The following ITGBL1 variants were observed in gnomAD, a reference collection of about 807,000 sequenced individuals.
ITGBL1 encodes integrin subunit beta like 1.
ITGBL1 carries 51 observed loss-of-function variants against 68.5 expected under a neutral mutation model. The observed-to-expected ratio is 0.74, with a 90% CI of 0.59 to 0.94. ITGBL1 has a LOEUF of 0.94. ITGBL1 is among the 40% of genes least tolerant of loss of function. The probability of loss-of-function intolerance (pLI) is 0.00; values close to 1 mark genes in which losing one functional copy is unlikely to be tolerated. For missense variants in ITGBL1, 649 were observed against 647.4 expected (o/e 1.00, Z -0.03); for synonymous variants, 209 against 227.3 (o/e 0.92, Z 0.72).
At chr13:101,472,736 G>A (rs1046075202) in intron 2 of ITGBL1, among the ~76,000 whole-genome samples, 1 of 152,056 alleles carries the variant, frequency 6.6e-6, no homozygotes, top group Non-Finnish European at 1.5e-5. Flanking sequence ...TTTTAATGAG[G>A]AACTTTAATT....
At chr13:101,462,017 T>G (rs989606582) in intron 2 of ITGBL1, among the ~76,000 whole-genome samples, 1 of 152,162 alleles carries the variant, frequency 6.6e-6, no homozygotes, top group African/African-American at 2.4e-5. Context: ...TGAGATAATT[T>G]AGTTCTGTGT....
At chr13:101,621,363 C>T (rs981048889) in intron 7 of ITGBL1, among the ~76,000 whole-genome samples, 3 of 152,080 alleles carry the variant, frequency 2.0e-5, no homozygotes, top group Non-Finnish European at 2.9e-5. Context: ...GTTTATTTGT[C>T]ATACAGAGTG....
At chr13:101,710,561 T>C (rs911548162) in intron 9 of ITGBL1, among the ~76,000 whole-genome samples, 1 of 152,216 alleles carries the variant, frequency 6.6e-6, no homozygotes, top group African/African-American at 2.4e-5. Flanking sequence ...ACTGGGGCCA[T>C]GTATTTCTAG....
At chr13:101,553,710 A>G (rs905042278) in intron 2 of ITGBL1, among the ~76,000 whole-genome samples, 1 of 150,040 alleles carries the variant, frequency 6.7e-6, no homozygotes, top group African/African-American at 2.5e-5. Flanking sequence ...TGGCTTGTAG[A>G]CACATTGCCC....
intron 2 of ITGBL1, among the ~76,000 whole-genome samples, chr13:101,515,148 G>A (rs2049175076): frequency 1.3e-5 from 2 of 151,924 alleles, no homozygotes; most frequent in South Asian, 4.2e-4. Context: ...TGTTTTGGGA[G>A]GTTATGATAA....
chr13:101,488,562 T>C (rs1461088422), intron 2 of ITGBL1, among the ~76,000 whole-genome samples: 1 of 152,152 alleles, frequency 6.6e-6, no homozygotes, highest in Non-Finnish European at 1.5e-5. Context: ...GTTAACCACC[T>C]CAGTTTCCTT....
At chr13:101,599,023 A>G (rs1276944983) in intron 7 of ITGBL1, among the ~76,000 whole-genome samples, 1 of 152,236 alleles carries the variant, frequency 6.6e-6, no homozygotes, top group East Asian at 1.9e-4. Context: ...CGACTTCCAC[A>G]AAGGTTGAAC....
chr13:101,461,117 G>A (rs7323695), intron 2 of ITGBL1, among the ~76,000 whole-genome samples: 14,066 of 152,156 alleles, frequency 0.092, 1,961 homozygotes, highest in African/African-American at 0.3. Flanking sequence ...AAATTCAGGA[G>A]TTATTTTCTA....
In ITGBL1 at chr13:101,585,585, C is replaced by A. The variant is rs530962080; in HGVS notation, c.868+2229C>A. Among the ~76,000 whole-genome samples the A allele has an allele frequency of 2.0e-5, 3 of 152,128 alleles. No homozygotes were observed. In the East Asian group the frequency reaches 5.8e-4, roughly 30 times the overall value. On this transcript the variant is annotated intron_variant, in intron 6 of 10. Coordinates refer to ENST00000376180, the MANE Select transcript of ITGBL1 (RefSeq NM_004791.3). The stretch of plus-strand genomic sequence containing the variant: ...AGCTGGGGCTACAGGTGCCCACCAC[C>A]ACGCCCGGCTTATTTTTTTGTATTT...
intron 6 of ITGBL1, 92 bp from the exon 7 acceptor site, chr13:101,598,061 C>G: frequency 8.4e-7 from 1 of 1,188,852 alleles, no homozygotes; most frequent in Non-Finnish European, 1.2e-6. Flanking sequence ...AAGATCCTGA[C>G]TCATTTGTGA....
In ITGBL1 at chr13:101,452,877, C is replaced by G; in HGVS notation, c.44C>G (p.Ser15Cys). 1.2e-6 allele frequency: 2 copies of G among 1,614,202 alleles called. No homozygotes were observed. The highest frequency in any genetic ancestry group is 1.1e-5 in the South Asian group (1 of 91,084). Reference sequence around the variant, plus strand: ...AGGAACTTCTTGCTGCTGGCGTCCTCCCTTCTCTTTGCTGGGTTGTCAGCT... The same window carrying G: ...AGGAACTTCTTGCTGCTGGCGTCCTGCCTTCTCTTTGCTGGGTTGTCAGCT... The part of the protein sequence containing the change: ...GFRNFLLLAS[S>C]LLFAGLSAVP... The change falls in exon 1 of 11, where the codon TCC (serine) becomes TGC (cysteine). Residue 15 changes from serine (S) to cysteine (C), a missense_variant. Coordinates refer to ENST00000376180, the MANE Select transcript of ITGBL1 (RefSeq NM_004791.3).
intron 7 of ITGBL1, among the ~76,000 whole-genome samples, chr13:101,680,567 A>C (rs1163394178): frequency 6.6e-6 from 1 of 152,078 alleles, no homozygotes; most frequent in Non-Finnish European, 1.5e-5. Flanking sequence ...TACAATGAAA[A>C]AGGAAGTGAA....
At chr13:101,703,028 C>T (rs1361638166) in intron 8 of ITGBL1, among the ~76,000 whole-genome samples, 1 of 152,076 alleles carries the variant, frequency 6.6e-6, no homozygotes, top group Non-Finnish European at 1.5e-5. Context: ...TTTGAAGATC[C>T]ACTGTGTCTC....
chr13:101,707,666 A>G (rs2034291912), intron 9 of ITGBL1, among the ~76,000 whole-genome samples: 1 of 151,164 alleles, frequency 6.6e-6, no homozygotes, highest in Admixed American at 6.6e-5. Context: ...GTGGTGAAAA[A>G]TACAAAAATC....
intron 2 of ITGBL1, among the ~76,000 whole-genome samples, chr13:101,507,019 A>G (rs940053703): frequency 3.3e-5 from 5 of 152,188 alleles, no homozygotes; most frequent in African/African-American, 7.2e-5. Context: ...GGAAGAAGAA[A>G]TAAGAAAAAC....
chr13:101,581,300 C>A lies in ITGBL1; in HGVS notation c.727+1873C>A, dbSNP rs572310350. 1.3e-3 allele frequency among the ~76,000 whole-genome samples: 193 copies of A among 152,216 alleles called. 1 individual carries two copies. The highest frequency in any genetic ancestry group is 4.5e-3 in the African/African-American group (187 of 41,546). On this transcript the variant is annotated intron_variant, in intron 5 of 10. Transcript: ENST00000376180. ...GCTCCTAGTCCCTGTTCCTCCTGAC[C>A]AAACTCATTTATCCTATTATGAGAG...
At chr13:101,690,213 T>A (rs1334733615) in intron 7 of ITGBL1, among the ~76,000 whole-genome samples, 1 of 152,200 alleles carries the variant, frequency 6.6e-6, no homozygotes, top group East Asian at 1.9e-4. Flanking sequence ...TATTAACACT[T>A]TATTGTCTAA....
intron 9 of ITGBL1, chr13:101,711,121 T>C (rs2034445294): frequency 6.6e-6 from 1 of 152,228 alleles, no homozygotes; most frequent in Non-Finnish European, 1.5e-5. Flanking sequence ...TTAGCTACCT[T>C]TGCAAAGTAC....
At chr13:101,714,575 T>C (rs762346928) in intron 10 of ITGBL1, 24 bp downstream of exon 10, 3 of 1,339,126 alleles carry the variant, frequency 2.2e-6, no homozygotes, top group Admixed American at 1.7e-5. Flanking sequence ...CTTTTCTAAT[T>C]GCTCTATGCC....
Sources: gnomAD v4.1 joint callset for allele counts (sites outside exome capture counted in the v4.1 genomes callset) on GRCh38, gnomAD v4.1.1 for gene constraint, MANE v1.5 for transcripts, NCBI Gene and HGNC (gene_info 2026-07-23, HGNC 2026-07-21) for gene names.